The following LRP5 variants were observed in gnomAD, a reference collection of about 807,000 sequenced individuals.
LRP5 encodes the protein LDL receptor related protein 5, also known as low-density lipoprotein receptor-related protein 5.
A neutral mutation model predicts 154.1 loss-of-function variants in LRP5; 62 were observed. The ratio of observed to expected loss-of-function variants is 0.40; its 90% CI spans 0.33 to 0.50. The LOEUF is 0.50. Among genes scored for constraint, LRP5 ranks in the 20% least tolerant of loss-of-function variants. The pLI is 0.55. For missense variants in LRP5, 1,915 were observed against 2,336.7 expected, an observed-to-expected ratio of 0.82 and a Z score of 3.72; for synonymous variants, 966 against 1,011.5, an observed-to-expected ratio of 0.96 and a Z score of 0.85.
At chr11:68,395,954 AG>A (rs925392230) in intron 7 of LRP5, among the ~76,000 whole-genome samples, 1 of 151,994 alleles carries the variant, frequency 6.6e-6, no homozygotes, top group African/African-American at 2.4e-5. Flanking sequence ...CACTTTGTTC[AG>A]GGGTGGATGC....
chr11:68,364,358 ATG>A (rs113821152), intron 4 of LRP5, among the ~76,000 whole-genome samples: 9,338 of 145,338 alleles, frequency 0.064, 482 homozygotes, highest in African/African-American at 0.14. Context: ...ATACATATAT[ATG>A]TGTGTGTGTG....
Position 68,413,705 on chromosome 11 carries a change from G to A in LRP5, c.2520G>A (p.Val840=). 6.2e-7 allele frequency: 1 copy of A among 1,613,792 alleles called. No homozygotes were observed. The change falls in exon 12 of 23, where the codon GTG becomes GTA. Residue 840 remains valine (V), a synonymous_variant. Transcript: ENST00000294304. This position sits in a 1 kb window ranked among gnomAD's most constrained non-coding sequence, Gnocchi z 5.1. ...TTCATGCAGGTCAGGAGCGGGTCGTGATTGCCGACGATCTCCCGCACCCGT... is the reference window on the plus strand; with the variant it reads ...TTCATGCAGGTCAGGAGCGGGTCGTAATTGCCGACGATCTCCCGCACCCGT... ...SSNMLGQERV[V]IADDLPHPFG...
At position 68,365,575 on chromosome 11, in the gene LRP5, C is replaced by T. The variant is rs754740683; in HGVS notation, c.888C>T (p.His296=). ...VLSQERQPFF[H]TRCEEDNGGC... is the part of the protein sequence containing the mutation. ...ACTCTGTCCTGGTTTTCTCAGTCCA[C>T]ACTCGCTGTGAGGAGGACAATGGCG... Residue 296 remains histidine, a synonymous_variant, in exon 5 of 23, where the codon CAC becomes CAT. Transcript: ENST00000294304. 2 of 1,614,022 alleles carry T rather than the reference C, an allele frequency of 1.2e-6. No homozygotes were observed. Among genetic ancestry groups the T allele is most frequent in the African/African-American group, 1.3e-5 (1 of 75,024 alleles).
chr11:68,343,152 G>T (rs918280778), intron 1 of LRP5, among the ~76,000 whole-genome samples: 1 of 152,246 alleles, frequency 6.6e-6, no homozygotes, highest in African/African-American at 2.4e-5. Context: ...GGCCTGGCAG[G>T]CCCGGTCCCC....
chr11:68,438,737 A>T, intron 20 of LRP5, 55 bp downstream of exon 20: 2 of 1,527,584 alleles, frequency 1.3e-6, no homozygotes, highest in Non-Finnish European at 1.8e-6. Flanking sequence ...TAGTCTGGGC[A>T]GCTTTGGGGA....
intron 12 of LRP5, 65 bp downstream of exon 12, chr11:68,414,077 C>A: frequency 6.8e-7 from 1 of 1,467,426 alleles, no homozygotes; most frequent in Non-Finnish European, 9.3e-7. Context: ...TGGGAGCTGA[C>A]GCTGAAAGGA....
intron 14 of LRP5, among the ~76,000 whole-genome samples, chr11:68,424,422 A>T (rs2098667529): frequency 6.6e-6 from 1 of 151,736 alleles, no homozygotes; most frequent in East Asian, 1.9e-4. Flanking sequence ...GGTAGGAGTG[A>T]CGGCCACAGT....
intron 5 of LRP5, among the ~76,000 whole-genome samples, chr11:68,384,100 G>C (rs1343360032): frequency 6.6e-6 from 1 of 152,092 alleles, no homozygotes; most frequent in African/African-American, 2.4e-5. Flanking sequence ...CCGTGTCGCT[G>C]TTGCCATCAC....
intron 5 of LRP5, among the ~76,000 whole-genome samples, chr11:68,378,988 A>C (rs968718536): frequency 3.3e-5 from 5 of 152,128 alleles, no homozygotes; most frequent in African/African-American, 1.2e-4. Flanking sequence ...CAGAGGTTGC[A>C]GTGAGCCAGG....
rs2098682361 is a variant in LRP5 at position 68,447,940 on chromosome 11, C to CG, written c.4587-866dup. ...GCTTGAACTCAGGATGGAAGTGTTC[C>CG]GGGCCCATTGGTTGCTGTATTAGCC... is the stretch of plus-strand genomic sequence containing the variant. On this transcript the variant is annotated intron_variant, in intron 22 of 22. Transcript: ENST00000294304. This position sits in a 1 kb window ranked among gnomAD's most constrained non-coding sequence, Gnocchi z 4.3. Among the ~76,000 whole-genome samples, 2 of 152,100 alleles carry CG rather than the reference C, an allele frequency of 1.3e-5. No individual in the cohort carries two copies. The highest frequency in any genetic ancestry group is 1.3e-4 in the Admixed American group (2 of 15,254).
chr11:68,389,332 A>G (rs1405282402), intron 6 of LRP5, among the ~76,000 whole-genome samples: 11 of 152,180 alleles, frequency 7.2e-5, no homozygotes, highest in Admixed American at 6.5e-4. Context: ...ATCTACTGAC[A>G]CTGGCATCTA....
rs759753109 is a variant in LRP5, at chr11:68,425,330, G to A, written c.3427+38G>A. ...GGGCCTGCCCTAACCGCAGACACCC[G>A]GCCTTCATTGTCAGTAATGGCAGCA... On this transcript the variant is annotated intron_variant, in intron 15 of 22. Coordinates refer to ENST00000294304, the MANE Select transcript of LRP5 (RefSeq NM_002335.4). 23 of 1,576,166 alleles carry A rather than the reference G, an allele frequency of 1.5e-5. 1 individual carries two copies. The Admixed American group carries it at 1.9e-4, about 13-fold the overall frequency.
At chr11:68,402,682 G>T (rs2098653283) in intron 7 of LRP5, among the ~76,000 whole-genome samples, 1 of 152,194 alleles carries the variant, frequency 6.6e-6, no homozygotes, top group Non-Finnish European at 1.5e-5. Flanking sequence ...CAGTTGCTCT[G>T]TGTGGTGGGT....
intron 5 of LRP5, among the ~76,000 whole-genome samples, chr11:68,366,163 C>G (rs555026999): frequency 6.6e-6 from 1 of 152,114 alleles, no homozygotes; most frequent in Non-Finnish European, 1.5e-5. Flanking sequence ...TGGGGCTGAC[C>G]CTGGGGCCTG....
At chr11:68,338,905 ACT>A in intron 1 of LRP5, among the ~76,000 whole-genome samples, 1 of 109,896 alleles carries the variant, frequency 9.1e-6, no homozygotes, top group South Asian at 2.7e-4. Context: ...ACAGAATCTC[ACT>A]CTGTCACCCA....
chr11:68,359,980 G>A (rs2098626395), intron 3 of LRP5, among the ~76,000 whole-genome samples: 2 of 151,862 alleles, frequency 1.3e-5, no homozygotes, highest in Non-Finnish European at 2.9e-5. Context: ...GTAGGGACGG[G>A]GTTTCACCAT....
At chr11:68,425,923 TG>T in intron 15 of LRP5, 54 bp from the exon 16 acceptor site, 3 of 1,492,580 alleles carry the variant, frequency 2.0e-6, no homozygotes, top group Non-Finnish European at 2.8e-6. Flanking sequence ...AAGCTGAGTG[TG>T]GGGCAAGTTC....
rs539879621 is a variant in LRP5, at chr11:68,373,401, C to T, written c.1015+7699C>T. Among the ~76,000 whole-genome samples, 195 of 152,256 alleles carry T rather than the reference C, an allele frequency of 1.3e-3. 1 individual carries two copies. Among genetic ancestry groups the T allele is most frequent in the South Asian group, 0.012 (60 of 4,834 alleles). ...GATGCGTTGGTGGCGGGGGGGGCCC[C>T]GCACTGCTGTGTGCCTTCAAGGTGG... is the stretch of plus-strand genomic sequence containing the variant. On this transcript the variant is annotated intron_variant, in intron 5 of 22. Transcript: ENST00000294304.
intron 9 of LRP5, among the ~76,000 whole-genome samples, chr11:68,407,501 G>A: frequency 6.6e-6 from 1 of 151,088 alleles, no homozygotes; most frequent in East Asian, 2.0e-4. Flanking sequence ...CTAAAGAAGA[G>A]TTTAGCAAAC....
Sources: gnomAD v4.1 joint callset for allele counts (sites outside exome capture counted in the v4.1 genomes callset) on GRCh38, gnomAD v4.1.1 for gene constraint, Gnocchi (gnomAD v3.1) non-coding constraint, MANE v1.5 for transcripts, NCBI Gene and HGNC (gene_info 2026-07-23, HGNC 2026-07-21) for gene names.